USH1C: variants seen among roughly 807,000 people sequenced by gnomAD.
USH1C encodes the protein USH1 protein network component harmonin, also known as harmonin.
USH1C carries 90 observed loss-of-function variants against 119.3 expected under a neutral mutation model. The observed-to-expected ratio is 0.75, with a 90% CI of 0.64 to 0.90. The LOEUF (loss-of-function observed/expected upper bound fraction) is 0.90. USH1C is among the 40% of genes least tolerant of loss of function. USH1C has a pLI of 0.00. For synonymous variants in USH1C, 465 were observed against 443.3 expected (o/e 1.05, Z -0.62); for missense variants, 1,165 against 1,167.7 (o/e 1.00, Z 0.03).
rs750875649 is a variant in USH1C, at chr11:17,509,814, G to A, written c.1555C>T (p.Pro519Ser). The stretch of plus-strand genomic sequence containing the variant: ...GGGGCCAGGGGAGACACAGAAGGCG[G>A]GGGAGGCGGGGGCCCTGTGGTCATC... The part of the protein sequence containing the change: ...SEMTTGPPPP[P>S]PSVSPLAPPL... The change falls in exon 18 of 27, where the codon CCG (proline) becomes TCG (serine). Residue 519 changes from proline to serine, a missense_variant. Physicochemically the swap from Pro to Ser is moderately conservative, Grantham distance 74. Coordinates refer to ENST00000005226, the MANE Select transcript of USH1C (RefSeq NM_153676.4). 1.5e-5 allele frequency: 24 copies of A among 1,597,348 alleles called. No homozygotes were observed. Among genetic ancestry groups the A allele is most frequent in the Middle Eastern group, 3.3e-4 (2 of 6,068 alleles).
intron 18 of USH1C, among the ~76,000 whole-genome samples, chr11:17,508,354 T>C (rs188771005): frequency 6.6e-6 from 1 of 152,202 alleles, no homozygotes; most frequent in African/African-American, 2.4e-5. Context: ...CCCACCTTCC[T>C]TGTAAGCTCT....
rs2133895613 is a variant in USH1C at position 17,526,767 on chromosome 11, C to A, written c.565G>T (p.Val189Leu). 1.2e-6 allele frequency: 2 copies of A among 1,614,150 alleles called. No individual in the cohort carries two copies. Among genetic ancestry groups the A allele is most frequent in the African/African-American group, 2.7e-5 (2 of 75,054 alleles). Residue 189 changes from valine to leucine, a missense_variant, in exon 7 of 27, where the codon GTG becomes TTG. Physicochemically the swap from Val to Leu is conservative, Grantham distance 32. Transcript: ENST00000005226. ...CTGGCCCTTACCCCAGATTCCGACA[C>A]AAACTGATCCACATACTGCCAAGTG... ...PLTWQYVDQF[V>L]SESGGVRGSL...
chr11:17,533,885 C>T, intron 1 of USH1C: 1 of 384,198 alleles, frequency 2.6e-6, no homozygotes. Flanking sequence ...GGGTTCTGTC[C>T]ACTAGTCAGT....
In USH1C at chr11:17,507,847, G is replaced by T. The variant is rs539984449; in HGVS notation, c.2013+1509C>A. Among the ~76,000 whole-genome samples, 5 of 152,272 alleles carry T rather than the reference G, an allele frequency of 3.3e-5. No individual in the cohort carries two copies. In the East Asian group the frequency reaches 7.7e-4, roughly 24 times the overall value. On this transcript the variant is annotated intron_variant, in intron 18 of 26. Coordinates refer to ENST00000005226, the MANE Select transcript of USH1C (RefSeq NM_153676.4). ...CCTCCATGTGTTGCCATCCCTCAAG[G>T]CTCAGCTCGTAAGCCCTCTACTCTA...
intron 25 of USH1C, 69 bp downstream of exon 25, chr11:17,496,689 T>G: frequency 6.3e-7 from 1 of 1,591,948 alleles, no homozygotes; most frequent in Non-Finnish European, 8.6e-7. Context: ...GGGGATGGGC[T>G]GGAGAAAGGT....
At chr11:17,533,387 G>A (rs1851084196) in intron 1 of USH1C, 65 bp from the exon 2 acceptor site, 1 of 1,200,640 alleles carries the variant, frequency 8.3e-7, no homozygotes, top group Non-Finnish European at 1.2e-6. Flanking sequence ...CAGACCTCAG[G>A]GAGGAGAGGT....
rs58293804 is a variant in USH1C, at chr11:17,527,643, C to A, written c.388-312G>T. Among the ~76,000 whole-genome samples the A allele has an allele frequency of 6.2e-3, 939 of 152,302 alleles. 7 individuals are homozygous for A. The highest frequency in any genetic ancestry group is 0.022 in the African/African-American group (902 of 41,570). ...AACTCTCTGCACCCTCACTCTAGTG[C>A]CCCTTTCACTCCACTGGGGCACCAT... On this transcript the variant is annotated intron_variant, in intron 4 of 26. Transcript: ENST00000005226.
At chr11:17,506,651 C>T (rs760735504) in intron 18 of USH1C, among the ~76,000 whole-genome samples, 1 of 152,204 alleles carries the variant, frequency 6.6e-6, no homozygotes, top group African/African-American at 2.4e-5. Context: ...TCAAAAAATG[C>T]CAGGCTTTCT....
At chr11:17,526,296 C>T (rs376286303) in intron 8 of USH1C, 51 bp downstream of exon 8, 665 of 1,510,776 alleles carry the variant, frequency 4.4e-4, no homozygotes, top group Non-Finnish European at 5.6e-4. Flanking sequence ...CAATAGGGGC[C>T]TGCTGGGGTG....
chr11:17,530,067 T>G (rs563738616), intron 4 of USH1C, among the ~76,000 whole-genome samples: 1 of 152,236 alleles, frequency 6.6e-6, no homozygotes, highest in African/African-American at 2.4e-5. Flanking sequence ...GAGACAGGGA[T>G]TTAGAACAAA....
intron 1 of USH1C, among the ~76,000 whole-genome samples, chr11:17,543,738 C>G (rs1234730254): frequency 6.6e-6 from 1 of 152,218 alleles, no homozygotes; most frequent in Non-Finnish European, 1.5e-5. Context: ...CGGGTCAGCA[C>G]CAGCTCCTCA....
chr11:17,531,165 C>T lies in USH1C; in HGVS notation c.376G>A (p.Val126Ile), dbSNP rs1280648795. The change falls in exon 4 of 27, where the codon GTC (valine) becomes ATC (isoleucine). Residue 126 changes from valine (V) to isoleucine (I), a missense_variant. Transcript: ENST00000005226. This position sits in a 1 kb window ranked among gnomAD's most constrained non-coding sequence, Gnocchi z 4.2. ...CTCTGTTTGCTCACCTGGAGCCCGACGCTGTCTGCCTGACCGCCTTTGATG... is the reference window on the plus strand; with the variant it reads ...CTCTGTTTGCTCACCTGGAGCCCGATGCTGTCTGCCTGACCGCCTTTGATG... ...HLIKGGQADS[V>I]GLQVGDEIVR... 3.1e-6 allele frequency: 5 copies of T among 1,614,126 alleles called. No homozygotes were observed. Among genetic ancestry groups the T allele is most frequent in the Non-Finnish European group, 3.4e-6 (4 of 1,180,032 alleles).
chr11:17,496,935 C>T (rs570671227), intron 24 of USH1C, 122 bp from the exon 25 acceptor site: 98 of 1,148,258 alleles, frequency 8.5e-5, no homozygotes, highest in African/African-American at 1.7e-4. Flanking sequence ...CTTCTTCCCA[C>T]GGGCCCACCT....
intron 8 of USH1C, among the ~76,000 whole-genome samples, chr11:17,525,043 C>T (rs1850599709): frequency 6.6e-6 from 1 of 152,296 alleles, no homozygotes; most frequent in Admixed American, 6.5e-5. Flanking sequence ...AAACTAGCCG[C>T]TCTGTTCTCA....
At chr11:17,537,974 T>C (rs1592037315) in intron 1 of USH1C, among the ~76,000 whole-genome samples, 1 of 152,110 alleles carries the variant, frequency 6.6e-6, no homozygotes, top group African/African-American at 2.4e-5. Context: ...TACCACATGG[T>C]ATCCACTTAT....
Position 17,522,765 on chromosome 11 carries a change from C to T in USH1C, c.1019+19G>A, listed in dbSNP as rs1464645598. The T allele has an allele frequency of 6.2e-7, 1 of 1,613,764 alleles. No individual in the cohort carries two copies. Among genetic ancestry groups the T allele is most frequent in the Non-Finnish European group, 8.5e-7 (1 of 1,179,980 alleles). The stretch of plus-strand genomic sequence containing the variant: ...GGGGTGGGAGGCGGGACAGGGCATC[C>T]AGGGCTGGCTGCACTCACTGCCGCT... On this transcript the variant is annotated intron_variant, in intron 12 of 26. Coordinates refer to ENST00000005226, the MANE Select transcript of USH1C (RefSeq NM_153676.4).
At chr11:17,520,818 C>A in intron 14 of USH1C, 52 bp downstream of exon 14, 1 of 1,611,582 alleles carries the variant, frequency 6.2e-7, no homozygotes, top group Non-Finnish European at 8.5e-7. Context: ...GAGGGAGGGC[C>A]AGCATTTCTG....
intron 21 of USH1C, 50 bp downstream of exon 21, chr11:17,501,889 C>T: frequency 6.2e-7 from 1 of 1,600,132 alleles, no homozygotes; most frequent in Non-Finnish European, 8.5e-7. Context: ...AACCCCCACA[C>T]TGCCCTGTTC....
At chr11:17,525,347 C>T (rs1850620372) in intron 8 of USH1C, among the ~76,000 whole-genome samples, 1 of 152,194 alleles carries the variant, frequency 6.6e-6, no homozygotes, top group African/African-American at 2.4e-5. Context: ...AAAGGTGGGA[C>T]TTTTTATCAC....
Sources: gnomAD v4.1 joint callset for allele counts (sites outside exome capture counted in the v4.1 genomes callset) on GRCh38, gnomAD v4.1.1 for gene constraint, Gnocchi (gnomAD v3.1) non-coding constraint, MANE v1.5 for transcripts, NCBI Gene and HGNC (gene_info 2026-07-23, HGNC 2026-07-21) for gene names.